Variants in CABIN1 observed in about 807,000 individuals in gnomAD.
CABIN1 encodes the protein calcineurin binding protein 1, also known as calcineurin-binding protein cabin-1.
In CABIN1, 133 loss-of-function variants were observed where a neutral mutation model predicts 227.7. The ratio of observed to expected loss-of-function variants is 0.58; its 90% CI spans 0.51 to 0.67. The LOEUF (loss-of-function observed/expected upper bound fraction) is 0.67, where lower values mean the gene tolerates loss of function less well. Among genes scored for constraint, CABIN1 ranks in the 30% least tolerant of loss-of-function variants. The probability of loss-of-function intolerance (pLI) is 0.00; values close to 1 mark genes in which losing one functional copy is unlikely to be tolerated. For synonymous variants in CABIN1, 1,086 were observed against 1,155.1 expected (o/e 0.94, Z 1.21); for missense variants, 2,408 against 2,852.5 (o/e 0.84, Z 3.55).
At position 24,042,954 on chromosome 22, in the gene CABIN1, T is replaced by C. The variant is rs1194131498; in HGVS notation, c.396T>C (p.His132=). The C allele has an allele frequency of 9.3e-6, 15 of 1,612,906 alleles. No individual in the cohort carries two copies. The highest frequency in any genetic ancestry group is 1.1e-5 in the Non-Finnish European group (13 of 1,179,638). The change falls in exon 6 of 37, where the codon CAT becomes CAC. Residue 132 remains histidine (H), a synonymous_variant. Coordinates refer to ENST00000263119, the MANE Select transcript of CABIN1 (RefSeq NM_012295.4). The stretch of plus-strand genomic sequence containing the variant: ...TCAACCTCTGGTATAAGATTGGACA[T>C]GTGGCCCTGAGGCTCATCCGGATCC... ...TDVNLWYKIG[H]VALRLIRIPL...
At chr22:24,175,059 G>T (rs946281282) in intron 34 of CABIN1, among the ~76,000 whole-genome samples, 1 of 152,178 alleles carries the variant, frequency 6.6e-6, no homozygotes, top group African/African-American at 2.4e-5. Context: ...TAAGAAAGAG[G>T]ATCTGTTTCC....
chr22:24,084,588 A>G lies in CABIN1; in HGVS notation c.2920A>G (p.Ile974Val), dbSNP rs538268776. 3 of 1,613,728 alleles carry G rather than the reference A, an allele frequency of 1.9e-6. No individual in the cohort carries two copies. The highest frequency in any genetic ancestry group is 3.3e-5 in the Admixed American group (2 of 60,014). ...EEHSAQQVDLIWEDALFMFEY... is the reference protein window; with the variant it reads ...EEHSAQQVDLVWEDALFMFEY... Reference sequence around the variant, plus strand: ...CTGTCTTTTTTTCAAGGTGGATCTTATATGGGAGGATGCACTGTTCATGTT... The same window carrying G: ...CTGTCTTTTTTTCAAGGTGGATCTTGTATGGGAGGATGCACTGTTCATGTT... Residue 974 changes from isoleucine (I) to valine (V), a missense_variant, in exon 21 of 37, where the codon ATA (isoleucine) becomes GTA (valine). Ile to Val is a conservative substitution (Grantham distance 29, BLOSUM62 3). Transcript: ENST00000263119.
chr22:24,164,680 G>C lies in CABIN1; in HGVS notation c.4910+117G>C, dbSNP rs1006385842. 5.0e-6 allele frequency: 6 copies of C among 1,205,064 alleles called. No individual in the cohort carries two copies. In the African/African-American group the frequency reaches 9.0e-5, roughly 18 times the overall value. The allele number at this position is 1,205,064 out of a possible 1,614,324, so 74.6% of individuals were successfully genotyped here. ...TGTGAGGACCACTGGCTGGGAGCCT[G>C]GACCAGCTCTTCATTCTCCTTGGGG... On this transcript the variant is annotated intron_variant, in intron 30 of 36. Transcript: ENST00000263119.
intron 14 of CABIN1, 109 bp from the exon 15 acceptor site, chr22:24,063,926 A>C: frequency 2.1e-6 from 3 of 1,412,438 alleles, no homozygotes; most frequent in Non-Finnish European, 3.0e-6. Flanking sequence ...TTGGTAAAAA[A>C]CCCACCCTCA....
intron 6 of CABIN1, among the ~76,000 whole-genome samples, chr22:24,046,423 G>A (rs1355155551): frequency 6.6e-6 from 1 of 152,138 alleles, no homozygotes; most frequent in Non-Finnish European, 1.5e-5. Context: ...ACAGGGCTGT[G>A]TTTTGACTCT....
chr22:24,064,524 T>TTG (rs1395551898), intron 15 of CABIN1, among the ~76,000 whole-genome samples: 1 of 150,006 alleles, frequency 6.7e-6, no homozygotes, highest in Non-Finnish European at 1.5e-5. Flanking sequence ...TTTTTTTTTT[T>TTG]TTTTTTTTTT....
chr22:24,087,820 C>A, intron 23 of CABIN1, 107 bp downstream of exon 23: 1 of 1,412,102 alleles, frequency 7.1e-7, no homozygotes, highest in Non-Finnish European at 9.8e-7. Flanking sequence ...GTCCACACAT[C>A]CATGCTGGGA....
At chr22:24,017,847 T>C (rs1426744060) in intron 1 of CABIN1, among the ~76,000 whole-genome samples, 1 of 152,082 alleles carries the variant, frequency 6.6e-6, no homozygotes, top group Non-Finnish European at 1.5e-5. Context: ...CTATTGTAAG[T>C]AATGCTGTGT....
chr22:24,052,505 A>G (rs1438816898), intron 8 of CABIN1, among the ~76,000 whole-genome samples: 2 of 151,268 alleles, frequency 1.3e-5, no homozygotes, highest in Non-Finnish European at 2.9e-5. Flanking sequence ...AAAATGTGTA[A>G]ACTAGCTGGG....
At chr22:24,066,934 G>T in intron 15 of CABIN1, 53 bp from the exon 16 acceptor site, 1 of 1,556,932 alleles carries the variant, frequency 6.4e-7, no homozygotes, top group Non-Finnish European at 8.9e-7. Flanking sequence ...CAGATTTGGT[G>T]GGGCAGGGGC....
At position 24,126,452 on chromosome 22, in the gene CABIN1, C is replaced by T. The variant is rs546264440; in HGVS notation, c.4632+6754C>T. On this transcript the variant is annotated intron_variant, in intron 28 of 36. Coordinates refer to ENST00000263119, the MANE Select transcript of CABIN1 (RefSeq NM_012295.4). ...CACACCCAAAACACATGCCTAGAGA[C>T]AGAAACAGTCTTGGTGTGACTAGAA... Among the ~76,000 whole-genome samples, 11 of 152,154 alleles carry T rather than the reference C, an allele frequency of 7.2e-5. No individual in the cohort carries two copies. The South Asian group carries it at 2.3e-3, about 32-fold the overall frequency.
chr22:24,021,832 A>G (rs2146589509), intron 1 of CABIN1, among the ~76,000 whole-genome samples: 2 of 152,188 alleles, frequency 1.3e-5, no homozygotes, highest in Admixed American at 1.3e-4. Flanking sequence ...TTATAGGCAC[A>G]TGCCACCATG....
intron 29 of CABIN1, among the ~76,000 whole-genome samples, chr22:24,159,071 T>TC (rs1487414425): frequency 2.6e-5 from 4 of 152,218 alleles, no homozygotes; most frequent in Non-Finnish European, 2.9e-5. Context: ...GGGCTTCTCT[T>TC]CCCCCCAGGG....
chr22:24,134,554 A>C (rs969681313), intron 29 of CABIN1, 139 bp downstream of exon 29: 1 of 710,898 alleles, frequency 1.4e-6, no homozygotes, highest in Non-Finnish European at 2.5e-6. Flanking sequence ...AGGGTGGTAC[A>C]GTCGAGAGTG....
At chr22:24,126,726 T>C (rs2043747250) in intron 28 of CABIN1, among the ~76,000 whole-genome samples, 1 of 152,104 alleles carries the variant, frequency 6.6e-6, no homozygotes, top group African/African-American at 2.4e-5. Flanking sequence ...GGGCTGGGCA[T>C]GGTGGCTCCC....
chr22:24,177,026 A>G lies in CABIN1; in HGVS notation c.6206-478A>G, dbSNP rs1305457370. Among the ~76,000 whole-genome samples the G allele has an allele frequency of 2.0e-5, 3 of 152,232 alleles. No individual in the cohort carries two copies. The highest frequency in any genetic ancestry group is 2.9e-5 in the Non-Finnish European group (2 of 68,028). On this transcript the variant is annotated intron_variant, in intron 35 of 36. Transcript: ENST00000263119. This position sits in a 1 kb window ranked among gnomAD's most constrained non-coding sequence, Gnocchi z 4.4. The stretch of plus-strand genomic sequence containing the variant: ...TGGCCCAGCCTTCAGGCTCTGGGCA[A>G]ACTCAGCCCCTTGCTCCCACTGGAG...
chr22:24,170,244 C>T (rs76591680), intron 33 of CABIN1: 1 of 432,250 alleles, frequency 2.3e-6, no homozygotes, highest in Non-Finnish European at 4.7e-6. Context: ...CTGCCATCCT[C>T]TGGTTCTCTC....
In CABIN1 at chr22:24,072,414, C is replaced by T; in HGVS notation, c.2536C>T (p.Leu846=). 6.2e-7 allele frequency: 1 copy of T among 1,614,152 alleles called. No individual in the cohort carries two copies. The change falls in exon 18 of 37, where the codon CTA becomes TTA. Residue 846 remains leucine, a synonymous_variant. Transcript: ENST00000263119. The part of the protein sequence containing the change: ...EAKEPHVSSV[L]PWIILHRIIW... ...CAAGGAGCCCCACGTCTCTTCAGTG[C>T]TACCCTGGATCATTCTACACCGGAT...
chr22:24,162,923 G>A (rs569008697), intron 29 of CABIN1, among the ~76,000 whole-genome samples: 1 of 152,362 alleles, frequency 6.6e-6, no homozygotes, highest in East Asian at 1.9e-4. Context: ...AGGGTCTTCA[G>A]CGGGACGTAC....
Sources: allele counts gnomAD v4.1 joint callset (sites outside exome capture counted in the v4.1 genomes callset), GRCh38; gene constraint gnomAD v4.1.1; non-coding constraint Gnocchi (gnomAD v3.1); transcripts MANE v1.5; gene names NCBI Gene and HGNC (gene_info 2026-07-23, HGNC 2026-07-21).